Variants in FHL2 observed in about 807,000 individuals in gnomAD.
FHL2 encodes four and a half LIM domains protein 2.
FHL2 carries 20 observed loss-of-function variants against 32.7 expected under a neutral mutation model. That is an observed-to-expected ratio of 0.61 (90% confidence interval 0.43 to 0.89). The LOEUF is 0.89. Among genes scored for constraint, FHL2 ranks in the 40% least tolerant of loss-of-function variants. The pLI is 0.00. For missense variants in FHL2, 311 were observed against 358.6 expected (o/e 0.87, Z 1.07); for synonymous variants, 123 against 128.1 (o/e 0.96, Z 0.27).
At chr2:105,412,070 C>A (rs968612148) in intron 1 of FHL2, among the ~76,000 whole-genome samples, 4 of 152,142 alleles carry the variant, frequency 2.6e-5, no homozygotes, top group Admixed American at 1.3e-4. Flanking sequence ...AAAGTATACC[C>A]CACTTCTGGG....
At chr2:105,394,574 A>T (rs1682987220) in intron 2 of FHL2, among the ~76,000 whole-genome samples, 1 of 72,964 alleles carries the variant, frequency 1.4e-5, no homozygotes, top group African/African-American at 6.1e-5. Context: ...ACAGAATGAG[A>T]CCCTGGGAAA....
chr2:105,403,975 C>T (rs1017369935), upstream of FHL2, among the ~76,000 whole-genome samples: 10 of 152,192 alleles, frequency 6.6e-5, no homozygotes, highest in African/African-American at 2.4e-4. Context: ...TAGGCGTGTG[C>T]TCGCAACTGC....
At chr2:105,362,472 T>A (rs1007040838) in intron 6 of FHL2, among the ~76,000 whole-genome samples, 1 of 152,144 alleles carries the variant, frequency 6.6e-6, no homozygotes, top group Non-Finnish European at 1.5e-5. Flanking sequence ...TTTCTGTAGT[T>A]ACACTGAAAA....
chr2:105,421,305 C>T (rs1023170179), intron 1 of FHL2, among the ~76,000 whole-genome samples: 3 of 152,156 alleles, frequency 2.0e-5, no homozygotes, highest in Non-Finnish European at 4.4e-5. Context: ...ATGTTCTGCC[C>T]TGCTTGAGGT....
At position 105,399,014 on chromosome 2, in the gene FHL2, C is replaced by A; in HGVS notation, c.-248G>T. The A allele has an allele frequency of 6.7e-7, 1 of 1,496,622 alleles. No individual in the cohort carries two copies. Among genetic ancestry groups the A allele is most frequent in the Non-Finnish European group, 8.9e-7 (1 of 1,126,238 alleles). 92.7% of individuals were successfully genotyped at this position (1,496,622 alleles called of 1,614,324 possible). On this transcript the variant is annotated 5_prime_UTR_variant, in exon 1 of 7. Coordinates refer to ENST00000530340, the MANE Select transcript of FHL2 (RefSeq NM_001318895.3). Reference sequence around the variant, plus strand: ...GACTCCCGGACGGGGCTGGAGGGCGCGGGCGGCTGGTGGCTGCGGCTCCGC... The same window carrying A: ...GACTCCCGGACGGGGCTGGAGGGCGAGGGCGGCTGGTGGCTGCGGCTCCGC...
chr2:105,416,511 G>GT (rs1683943575), intron 1 of FHL2, among the ~76,000 whole-genome samples: 1 of 152,196 alleles, frequency 6.6e-6, no homozygotes, highest in South Asian at 2.1e-4. Context: ...AAAAAGAGAT[G>GT]TTTCTTAACT....
chr2:105,366,456 T>C (rs933984313), intron 5 of FHL2, among the ~76,000 whole-genome samples: 21 of 152,190 alleles, frequency 1.4e-4, no homozygotes, highest in African/African-American at 5.1e-4. Flanking sequence ...TGTGATGAGT[T>C]CCACAGCTGG....
intron 3 of FHL2, among the ~76,000 whole-genome samples, chr2:105,385,615 G>A (rs1682248526): frequency 6.6e-6 from 1 of 152,208 alleles, no homozygotes; most frequent in Non-Finnish European, 1.5e-5. Flanking sequence ...GGTTTCACTG[G>A]AGTGTTTTAG....
At position 105,424,631 on chromosome 2, in the gene FHL2, T is replaced by A. The variant is rs867669834; in HGVS notation, c.-25+13768A>T. Reference sequence around the variant, plus strand: ...AGCAAAGACTTGGAACCAACCCAAATGCCCATCAATGATAGACTGGGTAAA... The same window carrying A: ...AGCAAAGACTTGGAACCAACCCAAAAGCCCATCAATGATAGACTGGGTAAA... On this transcript the variant is annotated intron_variant, in intron 1 of 5. Transcript: ENST00000393352. Among the ~76,000 whole-genome samples, 53 of 152,330 alleles carry A rather than the reference T, an allele frequency of 3.5e-4. 2 individuals carry two copies. Among genetic ancestry groups the A allele is most frequent in the Middle Eastern group, 6.8e-3 (2 of 294 alleles).
At chr2:105,377,092 C>T (rs1293782599) in intron 3 of FHL2, among the ~76,000 whole-genome samples, 1 of 152,194 alleles carries the variant, frequency 6.6e-6, no homozygotes, top group Non-Finnish European at 1.5e-5. Flanking sequence ...TTTCTGCAAT[C>T]AGACCTTGGC....
intron 5 of FHL2, among the ~76,000 whole-genome samples, chr2:105,365,811 C>G (rs1267345014): frequency 6.6e-6 from 1 of 151,620 alleles, no homozygotes; most frequent in African/African-American, 2.4e-5. Flanking sequence ...TGCCACTGTA[C>G]TACAGCCCAG....
upstream of FHL2, among the ~76,000 whole-genome samples, chr2:105,401,441 C>T (rs1483629935): frequency 6.6e-6 from 1 of 152,150 alleles, no homozygotes; most frequent in African/African-American, 2.4e-5. Flanking sequence ...TAGTCTGTCT[C>T]CTTTTGTAAT....
At chr2:105,394,116 C>G (rs772704550) in intron 2 of FHL2, among the ~76,000 whole-genome samples, 1 of 152,136 alleles carries the variant, frequency 6.6e-6, no homozygotes, top group African/African-American at 2.4e-5. Context: ...GAGAATACCC[C>G]GCACCATTTT....
chr2:105,417,261 A>G (rs1416606784), intron 1 of FHL2, among the ~76,000 whole-genome samples: 1 of 152,148 alleles, frequency 6.6e-6, no homozygotes, highest in Non-Finnish European at 1.5e-5. Context: ...ACGTGCCTGT[A>G]ATCCCAGCTA....
At chr2:105,391,615 C>T (rs1682740082) in intron 2 of FHL2, among the ~76,000 whole-genome samples, 1 of 152,090 alleles carries the variant, frequency 6.6e-6, no homozygotes, top group Non-Finnish European at 1.5e-5. Flanking sequence ...AACGGACAGC[C>T]CAGTGAAAGT....
chr2:105,359,421 C>A (rs2460258), downstream of FHL2: 1 of 152,216 alleles, frequency 6.6e-6, no homozygotes, highest in Non-Finnish European at 1.5e-5. Context: ...ATCAAACATT[C>A]TAACAGTGAC....
intron 4 of FHL2, among the ~76,000 whole-genome samples, chr2:105,372,553 A>T (rs1446145184): frequency 6.6e-6 from 1 of 152,068 alleles, no homozygotes; most frequent in South Asian, 2.1e-4. Flanking sequence ...ACTATTTCCC[A>T]TATGTCAGTC....
intron 2 of FHL2, among the ~76,000 whole-genome samples, chr2:105,391,075 C>T (rs1440924950): frequency 3.3e-5 from 5 of 151,890 alleles, no homozygotes; most frequent in Non-Finnish European, 7.4e-5. Context: ...TCAGGTGATC[C>T]GCCTGCCTTG....
chr2:105,364,896 A>G (rs994604441), intron 5 of FHL2, among the ~76,000 whole-genome samples: 3 of 152,228 alleles, frequency 2.0e-5, no homozygotes, highest in Non-Finnish European at 4.4e-5. Flanking sequence ...ACTCCCTTCT[A>G]TCTTGTATTC....
Sources: allele counts gnomAD v4.1 joint callset (sites outside exome capture counted in the v4.1 genomes callset), GRCh38; gene constraint gnomAD v4.1.1; transcripts MANE v1.5; gene names NCBI Gene and HGNC (gene_info 2026-07-23, HGNC 2026-07-21).